The following SGCZ variants were observed in gnomAD, a reference collection of about 807,000 sequenced individuals.
The protein encoded by SGCZ is zeta-sarcoglycan.
Under a neutral mutation model 41.3 loss-of-function variants are expected in SGCZ, and 40 were observed. The observed-to-expected ratio is 0.97, with a 90% CI of 0.75 to 1.26. The LOEUF (loss-of-function observed/expected upper bound fraction) is 1.26. SGCZ is among the 50% of genes most tolerant of loss of function. The pLI is 0.00. For missense variants in SGCZ, 552 were observed against 369.8 expected, an observed-to-expected ratio of 1.49 and a Z score of -4.04; for synonymous variants, 206 against 137.5, an observed-to-expected ratio of 1.50 and a Z score of -3.49.
intron 1 of SGCZ, among the ~76,000 whole-genome samples, chr8:14,751,538 A>T (rs1799497184): frequency 6.6e-6 from 1 of 152,190 alleles, no homozygotes. Flanking sequence ...ACATTTACAC[A>T]TCATATGTAT....
chr8:14,599,908 C>A (rs1309809620), intron 1 of SGCZ, among the ~76,000 whole-genome samples: 2 of 152,094 alleles, frequency 1.3e-5, no homozygotes, highest in East Asian at 3.9e-4. Context: ...CTTATTTCTT[C>A]ACATCACTTC....
chr8:14,593,398 G>A (rs1805301916), intron 1 of SGCZ, among the ~76,000 whole-genome samples: 2 of 152,158 alleles, frequency 1.3e-5, no homozygotes, highest in South Asian at 2.1e-4. Flanking sequence ...AACTTCTGGC[G>A]TCTTGATTTT....
At chr8:14,784,463 A>T (rs1006321386) in intron 1 of SGCZ, among the ~76,000 whole-genome samples, 2 of 152,104 alleles carry the variant, frequency 1.3e-5, no homozygotes, top group South Asian at 2.1e-4. Context: ...AAATAGTATC[A>T]AATTTGGGTA....
At chr8:14,932,444 G>C (rs1799946332) in intron 1 of SGCZ, among the ~76,000 whole-genome samples, 1 of 151,820 alleles carries the variant, frequency 6.6e-6, no homozygotes, top group South Asian at 2.1e-4. Flanking sequence ...TTTGACTTCA[G>C]GCTCTATAAA....
chr8:14,145,222 G>A (rs2116934363), intron 5 of SGCZ, among the ~76,000 whole-genome samples: 1 of 152,250 alleles, frequency 6.6e-6, no homozygotes, highest in Non-Finnish European at 1.5e-5. Flanking sequence ...CCCAGCTTCA[G>A]GACAGAGAGA....
intron 6 of SGCZ, among the ~76,000 whole-genome samples, chr8:14,105,332 A>G (rs1802170732): frequency 6.6e-6 from 1 of 152,172 alleles, no homozygotes; most frequent in South Asian, 2.1e-4. Context: ...CTCTATTAAT[A>G]AACTTTTGAA....
At chr8:14,494,483 G>T (rs767313508) in intron 2 of SGCZ, among the ~76,000 whole-genome samples, 3 of 152,040 alleles carry the variant, frequency 2.0e-5, no homozygotes, top group Admixed American at 6.6e-5. Context: ...AGTTAATAAA[G>T]TTAAAGTTGA....
At position 14,791,933 on chromosome 8, in the gene SGCZ, G is replaced by C. The variant is rs539045494; in HGVS notation, c.40-237007C>G. ...CCGCACTTTCTCAATGCAAAGCACAGCTTCAAGCTCTTTATTTTGTAAAAG... is the reference window on the plus strand; with the variant it reads ...CCGCACTTTCTCAATGCAAAGCACACCTTCAAGCTCTTTATTTTGTAAAAG... On this transcript the variant is annotated intron_variant, in intron 1 of 7. Transcript: ENST00000382080. Among the ~76,000 whole-genome samples, 7 of 152,304 alleles carry C rather than the reference G, an allele frequency of 4.6e-5. No individual in the cohort carries two copies. In the East Asian group the frequency reaches 9.6e-4, roughly 21 times the overall value.
rs1028850529 is a variant in SGCZ at position 14,403,332 on chromosome 8, T to C, written c.235-79128A>G. On this transcript the variant is annotated intron_variant, in intron 2 of 7. Coordinates refer to ENST00000382080, the MANE Select transcript of SGCZ (RefSeq NM_139167.4). ...CCAGAACTTCCAACACTATCTTGAA[T>C]AGGAGTGGTGAGAGAGGGCATCCCT... Among the ~76,000 whole-genome samples the C allele has an allele frequency of 5.3e-5, 8 of 150,822 alleles. 2 individuals carry two copies. The highest frequency in any genetic ancestry group is 1.7e-4 in the African/African-American group (7 of 40,142).
intron 2 of SGCZ, among the ~76,000 whole-genome samples, chr8:14,549,728 A>G (rs1803742588): frequency 6.6e-6 from 1 of 152,080 alleles, no homozygotes; most frequent in Non-Finnish European, 1.5e-5. Flanking sequence ...TATCACAGGG[A>G]TGAGATACTT....
At chr8:15,206,763 G>A (rs547654665) in intron 1 of SGCZ, among the ~76,000 whole-genome samples, 89 of 151,008 alleles carry the variant, frequency 5.9e-4, no homozygotes, top group African/African-American at 2.0e-3. Context: ...AGTCTTTAAT[G>A]AGCAACTAAA....
intron 2 of SGCZ, among the ~76,000 whole-genome samples, chr8:14,408,407 TC>T (rs1477589376): frequency 6.6e-6 from 1 of 152,076 alleles, no homozygotes; most frequent in Non-Finnish European, 1.5e-5. Flanking sequence ...CCTCCTCTCG[TC>T]CCACCCCTAA....
intron 2 of SGCZ, among the ~76,000 whole-genome samples, chr8:14,374,009 T>G (rs1420219771): frequency 6.6e-6 from 1 of 152,042 alleles, no homozygotes; most frequent in African/African-American, 2.4e-5. Context: ...ACAGATATAT[T>G]AACGATTTTA....
intron 1 of SGCZ, among the ~76,000 whole-genome samples, chr8:14,981,266 T>G (rs1801653873): frequency 6.6e-6 from 1 of 152,192 alleles, no homozygotes; most frequent in South Asian, 2.1e-4. Flanking sequence ...GTAAATCAGT[T>G]ACATAATAGT....
chr8:14,324,295 G>C, intron 2 of SGCZ, 91 bp from the exon 3 acceptor site: 2 of 871,264 alleles, frequency 2.3e-6, no homozygotes, highest in South Asian at 2.8e-5. Context: ...AGAAAACAGT[G>C]AGCTCAAATC....
At chr8:15,168,831 G>A (rs1799743591) in intron 1 of SGCZ, among the ~76,000 whole-genome samples, 1 of 152,194 alleles carries the variant, frequency 6.6e-6, no homozygotes, top group Admixed American at 6.5e-5. Flanking sequence ...AAACTGGGAA[G>A]AGTTAATTTC....
Position 15,142,619 on chromosome 8 carries a change from G to T in SGCZ, c.39+94966C>A, listed in dbSNP as rs529646086. Among the ~76,000 whole-genome samples, 28 of 151,950 alleles carry T rather than the reference G, an allele frequency of 1.8e-4. No individual in the cohort carries two copies. The South Asian group carries it at 5.8e-3, about 32-fold the overall frequency. ...CCAGTCTTATTCAAGTAACAATGATGACTTCCCATACTACGAAATCACCAG... is the reference window on the plus strand; with the variant it reads ...CCAGTCTTATTCAAGTAACAATGATTACTTCCCATACTACGAAATCACCAG... On this transcript the variant is annotated intron_variant, in intron 1 of 7. Coordinates refer to ENST00000382080, the MANE Select transcript of SGCZ (RefSeq NM_139167.4).
At chr8:14,644,184 A>C (rs1026717770) in intron 1 of SGCZ, among the ~76,000 whole-genome samples, 1 of 151,752 alleles carries the variant, frequency 6.6e-6, no homozygotes, top group African/African-American at 2.4e-5. Flanking sequence ...GCACCCATCT[A>C]GATATTGCTA....
intron 1 of SGCZ, among the ~76,000 whole-genome samples, chr8:14,797,424 T>C (rs1377043410): frequency 6.6e-6 from 1 of 152,156 alleles, no homozygotes; most frequent in Admixed American, 6.5e-5. Context: ...TGGAGGCATT[T>C]TGGCCCTATC....
Sources: gnomAD v4.1 joint callset for allele counts (sites outside exome capture counted in the v4.1 genomes callset) on GRCh38, gnomAD v4.1.1 for gene constraint, MANE v1.5 for transcripts, NCBI Gene and HGNC (gene_info 2026-07-23, HGNC 2026-07-21) for gene names.